ATP11A: variants seen among roughly 807,000 people sequenced by gnomAD.
ATP11A encodes the protein ATPase phospholipid transporting 11A.
A neutral mutation model predicts 154.4 loss-of-function variants in ATP11A; 81 were observed. The observed-to-expected ratio is 0.52, with a 90% CI of 0.44 to 0.63. The LOEUF (loss-of-function observed/expected upper bound fraction) is 0.63. Ranked by LOEUF, ATP11A falls within the 30% of genes least tolerant of loss-of-function variation. ATP11A has a pLI of 0.00. For missense variants in ATP11A, 1,316 were observed against 1,474.3 expected, an observed-to-expected ratio of 0.89 and a Z score of 1.76; for synonymous variants, 623 against 585.9, an observed-to-expected ratio of 1.06 and a Z score of -0.91.
At chr13:112,808,871 A>G (rs2078405116) in intron 4 of ATP11A, among the ~76,000 whole-genome samples, 1 of 151,834 alleles carries the variant, frequency 6.6e-6, no homozygotes, top group Non-Finnish European at 1.5e-5. Flanking sequence ...ATGGGCCTCC[A>G]CGTGTCCTTC....
At position 112,875,912 on chromosome 13, in the gene ATP11A, C is replaced by T. The variant is rs1204152657; in HGVS notation, c.3298C>T (p.Leu1100=). The T allele has an allele frequency of 6.2e-7, 1 of 1,612,742 alleles. No individual in the cohort carries two copies. Among genetic ancestry groups the T allele is most frequent in the South Asian group, 1.1e-5 (1 of 91,078 alleles). ...DVLKKVLCRQ[L]WPTATERVQT... ...CCTCAAGAAAGTCCTGTGCCGGCAG[C>T]TGTGGCCAACAGCAACAGAGAGAGT... The change falls in exon 28 of 30, where the codon CTG becomes TTG. Residue 1100 remains leucine, a synonymous_variant. Transcript: ENST00000375645. The surrounding 1 kb of genome is among the most constrained non-coding windows in gnomAD (Gnocchi z 4.1).
chr13:112,862,909 C>G (rs1223018611), intron 25 of ATP11A, among the ~76,000 whole-genome samples: 2 of 147,534 alleles, frequency 1.4e-5, no homozygotes, highest in East Asian at 2.0e-4. Flanking sequence ...CCAGCGGGGT[C>G]CATCACCACC....
rs1438577826 is a variant in ATP11A, at chr13:112,864,688, G to T, written c.2991+2113G>T. The stretch of plus-strand genomic sequence containing the variant: ...GTGCGGCCCATGCAGCTTCCCAGCG[G>T]GGTCCATCACCACCTGCGCAGTAAT... On this transcript the variant is annotated intron_variant, in intron 25 of 29. Transcript: ENST00000375645. Among the ~76,000 whole-genome samples the T allele has an allele frequency of 4.5e-5, 3 of 66,182 alleles. No individual in the cohort carries two copies. In the Admixed American group the frequency reaches 4.8e-4, roughly 11 times the overall value. The allele number at this position is 66,182 out of a possible 152,430, so 43.4% of individuals were successfully genotyped here. A position where few individuals can be genotyped will look rare whatever the true frequency, so the allele number is the denominator to read the frequency against.
chr13:112,836,114 G>C, intron 15 of ATP11A, 64 bp from the exon 16 acceptor site: 1 of 1,248,432 alleles, frequency 8.0e-7, no homozygotes, highest in Non-Finnish European at 1.2e-6. Flanking sequence ...GAGCTCCACA[G>C]TTACCAGATG....
intron 10 of ATP11A, 111 bp from the exon 11 acceptor site, chr13:112,825,319 G>T: frequency 8.0e-7 from 1 of 1,256,872 alleles, no homozygotes; most frequent in Non-Finnish European, 1.1e-6. Context: ...ACACATCACT[G>T]TGCCCTTCCT....
chr13:112,791,953 G>A (rs764785987), intron 2 of ATP11A, among the ~76,000 whole-genome samples: 1 of 152,184 alleles, frequency 6.6e-6, no homozygotes, highest in Non-Finnish European at 1.5e-5. Context: ...CAGGAGCGCC[G>A]TCTGCGTGCA....
At chr13:112,872,472 A>G (rs546671205) in intron 26 of ATP11A, among the ~76,000 whole-genome samples, 1 of 152,314 alleles carries the variant, frequency 6.6e-6, no homozygotes, top group East Asian at 1.9e-4. Flanking sequence ...GTAGCCGGGC[A>G]TGGTGGCACG....
chr13:112,780,309 A>T (rs2077466516), intron 1 of ATP11A, among the ~76,000 whole-genome samples: 1 of 152,024 alleles, frequency 6.6e-6, no homozygotes, highest in Middle Eastern at 3.4e-3. Context: ...GGCAGCCACC[A>T]CCGCCCTCCA....
chr13:112,722,410 C>A (rs1399010254), intron 1 of ATP11A, among the ~76,000 whole-genome samples: 1 of 152,036 alleles, frequency 6.6e-6, no homozygotes, highest in Non-Finnish European at 1.5e-5. Flanking sequence ...AAAGGAATGT[C>A]TGGGTTGGGG....
Position 112,753,762 on chromosome 13 carries a change from TA to T in ATP11A, c.40-31365del, listed in dbSNP as rs5806960. Among the ~76,000 whole-genome samples, 28,392 of 151,844 alleles carry T rather than the reference TA, an allele frequency of 0.19. 2,925 individuals carry two copies. Among genetic ancestry groups the T allele is most frequent in the African/African-American group, 0.27 (11,127 of 41,368 alleles). ...TAATGGAGCAATAAAGTGAGTCACA[TA>T]AAAAAAATAATGGAGACAGTGATTC... On this transcript the variant is annotated intron_variant, in intron 1 of 29. Transcript: ENST00000375645. The surrounding 1 kb of genome is among the most constrained non-coding windows in gnomAD (Gnocchi z 4.1).
chr13:112,787,674 A>G (rs2077684110), intron 2 of ATP11A, among the ~76,000 whole-genome samples: 3 of 144,608 alleles, frequency 2.1e-5, no homozygotes, highest in African/African-American at 7.8e-5. Context: ...TACCTACTTA[A>G]TTCACACCGG....
At chr13:112,769,994 C>A (rs984285015) in intron 1 of ATP11A, among the ~76,000 whole-genome samples, 3 of 152,222 alleles carry the variant, frequency 2.0e-5, no homozygotes, top group Non-Finnish European at 4.4e-5. Flanking sequence ...TTTGCTCCTG[C>A]TGCATTTCAT....
intron 29 of ATP11A, chr13:112,880,669 A>C: frequency 7.8e-7 from 1 of 1,282,996 alleles, no homozygotes; most frequent in Non-Finnish European, 1.0e-6. Context: ...CGGCTGCTGG[A>C]CGCCGCCCGT....
At chr13:112,703,701 C>A (rs1594342167) in intron 1 of ATP11A, among the ~76,000 whole-genome samples, 1 of 151,906 alleles carries the variant, frequency 6.6e-6, no homozygotes, top group Non-Finnish European at 1.5e-5. Context: ...TGGTTCGGAT[C>A]TAAGGTTCTG....
intron 1 of ATP11A, among the ~76,000 whole-genome samples, chr13:112,732,167 G>A (rs1018293276): frequency 5.9e-5 from 9 of 152,302 alleles, no homozygotes; most frequent in Admixed American, 2.0e-4. Context: ...TTCAGGGCCC[G>A]TGACGGTCTG....
intron 1 of ATP11A, among the ~76,000 whole-genome samples, chr13:112,771,145 CCATTCTAACCT>C (rs2077216189): frequency 6.6e-6 from 1 of 152,196 alleles, no homozygotes; most frequent in African/African-American, 2.4e-5. Context: ...CATTCTAACC[CCATTCTAACCT>C]GATGCGGGCA....
chr13:112,775,173 T>G (rs2077317074), intron 1 of ATP11A, among the ~76,000 whole-genome samples: 1 of 152,266 alleles, frequency 6.6e-6, no homozygotes, highest in Admixed American at 6.5e-5. Flanking sequence ...GCCCTTGATG[T>G]GCAGGTGAAG....
At chr13:112,845,672 G>A (rs2079574098) in intron 17 of ATP11A, among the ~76,000 whole-genome samples, 2 of 107,422 alleles carry the variant, frequency 1.9e-5, no homozygotes, top group African/African-American at 9.7e-5. Flanking sequence ...CAGTTACCAG[G>A]CACTAGCGGT....
rs755029288 is a variant in ATP11A at position 112,831,464 on chromosome 13, G to T, written c.1311G>T (p.Val437=). The T allele has an allele frequency of 8.1e-6, 13 of 1,614,062 alleles. No homozygotes were observed. The East Asian group carries it at 2.5e-4, about 30-fold the overall frequency. ...GCTGCATCGAAGGCCATGTCTACGTGCCCCACGTCATCTGCAACGGGCAGG... is the reference window on the plus strand; with the variant it reads ...GCTGCATCGAAGGCCATGTCTACGTTCCCCACGTCATCTGCAACGGGCAGG... ...KECCIEGHVY[V]PHVICNGQVL... The change falls in exon 13 of 30, where the codon GTG becomes GTT. Residue 437 remains valine (V), a synonymous_variant. Transcript: ENST00000375645.
Sources: gnomAD v4.1 joint callset for allele counts (sites outside exome capture counted in the v4.1 genomes callset) on GRCh38, gnomAD v4.1.1 for gene constraint, Gnocchi (gnomAD v3.1) non-coding constraint, MANE v1.5 for transcripts, NCBI Gene and HGNC (gene_info 2026-07-23, HGNC 2026-07-21) for gene names.